Variants in PGPEP1L observed in about 807,000 individuals in gnomAD.
The protein encoded by PGPEP1L is pyroglutamyl-peptidase 1-like protein.
A neutral mutation model predicts 6.0 loss-of-function variants in PGPEP1L; 7 were observed. The ratio of observed to expected loss-of-function variants is 1.17; its 90% CI spans 0.66 to 2.19. The LOEUF is 2.19. Ranked by LOEUF, PGPEP1L falls within the 30% of genes most tolerant of loss-of-function variation. The pLI is 0.00. For synonymous variants in PGPEP1L, 103 were observed against 83.9 expected (o/e 1.23, Z -1.24); for missense variants, 209 against 192.5 (o/e 1.09, Z -0.51).
chr15:98,982,245 C>T (rs1039203347), intron 2 of PGPEP1L, among the ~76,000 whole-genome samples: 1 of 152,198 alleles, frequency 6.6e-6, no homozygotes, highest in Non-Finnish European at 1.5e-5. Context: ...GCACTCGCCT[C>T]GATCCTTGGG....
intron 2 of PGPEP1L, among the ~76,000 whole-genome samples, chr15:98,993,404 C>G (rs2017844308): frequency 1.3e-5 from 2 of 152,076 alleles, no homozygotes; most frequent in Admixed American, 6.6e-5. Context: ...GAGATATCAT[C>G]TCATGCCAGT....
At chr15:99,001,107 G>A (rs1191588573) in intron 2 of PGPEP1L, 4 of 429,266 alleles carry the variant, frequency 9.3e-6, no homozygotes, top group Admixed American at 2.6e-5. Context: ...CCCACCAGAA[G>A]GAAGAAACTC....
intron 2 of PGPEP1L, among the ~76,000 whole-genome samples, chr15:98,979,032 G>GATAT (rs35480332): frequency 5.5e-5 from 8 of 145,666 alleles, no homozygotes; most frequent in African/African-American, 1.6e-4. Flanking sequence ...CTGGCTACAG[G>GATAT]ATATATATAT....
rs532620293 is a variant in PGPEP1L, at chr15:98,986,202, T to C, written c.-141-15044A>G. Among the ~76,000 whole-genome samples the C allele has an allele frequency of 2.0e-5, 3 of 152,328 alleles. No individual in the cohort carries two copies. In the East Asian group the frequency reaches 5.8e-4, roughly 29 times the overall value. On this transcript the variant is annotated intron_variant, in intron 2 of 4. Coordinates refer to ENST00000535714, the MANE Select transcript of PGPEP1L (RefSeq NM_001167902.2). Reference sequence around the variant, plus strand: ...AAAACCCTTAGAATTTTGTAAGTGATAGAAGTGTCTTTCATGGGAATGAGG... The same window carrying C: ...AAAACCCTTAGAATTTTGTAAGTGACAGAAGTGTCTTTCATGGGAATGAGG...
At chr15:99,004,209 T>C (rs1555473360) in intron 2 of PGPEP1L, among the ~76,000 whole-genome samples, 2 of 150,782 alleles carry the variant, frequency 1.3e-5, no homozygotes, top group African/African-American at 2.5e-5. Flanking sequence ...TAGAGACCAG[T>C]CTGGGGAATA....
chr15:98,970,111 C>G (rs2017472472), intron 3 of PGPEP1L, among the ~76,000 whole-genome samples: 1 of 152,138 alleles, frequency 6.6e-6, no homozygotes, highest in Admixed American at 6.5e-5. Context: ...TGCAATGGCA[C>G]CATCTCAGCT....
chr15:98,988,235 C>T (rs1210086466), intron 2 of PGPEP1L, among the ~76,000 whole-genome samples: 1 of 152,174 alleles, frequency 6.6e-6, no homozygotes, highest in African/African-American at 2.4e-5. Flanking sequence ...AGCTAAGATC[C>T]ACTGGCTTGA....
chr15:98,993,197 A>C (rs932122984), intron 2 of PGPEP1L, among the ~76,000 whole-genome samples: 1 of 152,224 alleles, frequency 6.6e-6, no homozygotes, highest in African/African-American at 2.4e-5. Flanking sequence ...ACATTTTTGC[A>C]ATCTACCCAC....
intron 2 of PGPEP1L, among the ~76,000 whole-genome samples, chr15:99,003,985 T>C (rs528840030): frequency 0.06 from 7,782 of 130,628 alleles, 497 homozygotes; most frequent in African/African-American, 0.13. Flanking sequence ...TGAAGGTCGA[T>C]AGGAGTTAGA....
chr15:99,000,976 C>T (rs2017959273), intron 2 of PGPEP1L, among the ~76,000 whole-genome samples: 1 of 152,160 alleles, frequency 6.6e-6, no homozygotes, highest in Non-Finnish European at 1.5e-5. Flanking sequence ...CAGTTTCACT[C>T]CTGAAACCAG....
chr15:98,969,920 A>G (rs1338651765), intron 3 of PGPEP1L, among the ~76,000 whole-genome samples: 1 of 152,136 alleles, frequency 6.6e-6, no homozygotes, highest in African/African-American at 2.4e-5. Context: ...CTTACAGGGT[A>G]ATGTATTCTC....
At chr15:98,993,993 C>T (rs1276379114) in intron 2 of PGPEP1L, among the ~76,000 whole-genome samples, 5 of 152,156 alleles carry the variant, frequency 3.3e-5, no homozygotes, top group Non-Finnish European at 7.3e-5. Flanking sequence ...TTTGGCCTGG[C>T]ACAGTGACTC....
rs761689323 is a variant in PGPEP1L at position 98,971,201 on chromosome 15, G to A, written c.-141-43C>T. 1,975 of 304,162 alleles carry A rather than the reference G, an allele frequency of 6.5e-3. 111 individuals carry two copies. The highest frequency in any genetic ancestry group is 0.044 in the African/African-American group (806 of 18,422). 18.8% of individuals were successfully genotyped at this position (304,162 alleles called of 1,614,324 possible). A position where few individuals can be genotyped will look rare whatever the true frequency, so the allele number is the denominator to read the frequency against. ...TGGACTTGCCTCAGTTGATGGGGGG[G>A]GGGGGGGGGTGGGCACCAAGAGTCC... is the stretch of plus-strand genomic sequence containing the variant. On this transcript the variant is annotated intron_variant, in intron 2 of 4. Transcript: ENST00000535714.
chr15:99,004,350 A>G (rs2018017543), intron 2 of PGPEP1L, among the ~76,000 whole-genome samples: 1 of 151,230 alleles, frequency 6.6e-6, no homozygotes, highest in African/African-American at 2.4e-5. Flanking sequence ...TTGAGGCTGC[A>G]GTGAGTTATG....
intron 2 of PGPEP1L, among the ~76,000 whole-genome samples, chr15:98,976,780 G>A (rs914243579): frequency 2.0e-5 from 3 of 152,158 alleles, no homozygotes; most frequent in African/African-American, 7.2e-5. Flanking sequence ...CTGCATCTCA[G>A]AGACATGAGT....
At chr15:98,994,063 C>A (rs1049629994) in intron 2 of PGPEP1L, among the ~76,000 whole-genome samples, 1 of 151,058 alleles carries the variant, frequency 6.6e-6, no homozygotes, top group African/African-American at 2.4e-5. Context: ...GTCAGGAGAT[C>A]GAGACCATCC....
intron 2 of PGPEP1L, among the ~76,000 whole-genome samples, chr15:98,989,499 T>C (rs797040892): frequency 7.2e-5 from 11 of 152,212 alleles, no homozygotes; most frequent in African/African-American, 2.6e-4. Context: ...CAAATCTACG[T>C]TTGATTGGTG....
chr15:98,997,667 A>G (rs1386662406), intron 2 of PGPEP1L, among the ~76,000 whole-genome samples: 1 of 152,208 alleles, frequency 6.6e-6, no homozygotes, highest in Middle Eastern at 3.2e-3. Context: ...CTGCTTGTAC[A>G]AAGTGGCTTT....
chr15:98,968,383 T>C lies in PGPEP1L; in HGVS notation c.*95A>G, dbSNP rs1221421379. Reference sequence around the variant, plus strand: ...TTCAGAGTTTTCCACCCTCTTTGTCTTACAAGCAATTTTTGAAAAAGTTTC... The same window carrying C: ...TTCAGAGTTTTCCACCCTCTTTGTCCTACAAGCAATTTTTGAAAAAGTTTC... On this transcript the variant is annotated 3_prime_UTR_variant, in exon 5 of 5. Transcript: ENST00000535714. The C allele has an allele frequency of 4.7e-6, 6 of 1,288,900 alleles. No individual in the cohort carries two copies. Among genetic ancestry groups the C allele is most frequent in the Admixed American group, 4.2e-5 (2 of 47,096 alleles). The allele number at this position is 1,288,900 out of a possible 1,614,324, so 79.8% of individuals were successfully genotyped here.
Sources: gnomAD v4.1 joint callset for allele counts (sites outside exome capture counted in the v4.1 genomes callset) on GRCh38, gnomAD v4.1.1 for gene constraint, MANE v1.5 for transcripts, NCBI Gene and HGNC (gene_info 2026-07-23, HGNC 2026-07-21) for gene names.